The following GLI3 variants were observed in gnomAD, a reference collection of about 807,000 sequenced individuals.
The protein encoded by GLI3 is transcription activator GLI3.
A neutral mutation model predicts 100.8 loss-of-function variants in GLI3; 20 were observed. That is an observed-to-expected ratio of 0.20 (90% CI 0.14 to 0.29). The LOEUF (loss-of-function observed/expected upper bound fraction) is 0.29. Among genes scored for constraint, GLI3 ranks in the 10% least tolerant of loss-of-function variants. GLI3 has a pLI of 1.00. For synonymous variants in GLI3, 938 were observed against 860.5 expected, an observed-to-expected ratio of 1.09 and a Z score of -1.58; for missense variants, 2,040 against 2,128.5, an observed-to-expected ratio of 0.96 and a Z score of 0.82.
At chr7:42,004,103 G>GTCTTTCTCCTCCT (rs1304602331) in intron 10 of GLI3, among the ~76,000 whole-genome samples, 3 of 152,104 alleles carry the variant, frequency 2.0e-5, no homozygotes, top group Non-Finnish European at 4.4e-5. Context: ...TTTAGGAGGA[G>GTCTTTCTCCTCCT]AAAGAAGGGC....
rs778051402 is a variant in GLI3, at chr7:41,965,753, C to G, written c.3320G>C (p.Gly1107Ala). Reference sequence around the variant, plus strand: ...GGCGCTGGGGAAGTGCTGCTCGTACCCTGCTTGGTTCTGGGAATTTAAATA... The same window carrying G: ...GGCGCTGGGGAAGTGCTGCTCGTACGCTGCTTGGTTCTGGGAATTTAAATA... Reference protein sequence around the residue: ...VQYLNSQNQAGYEQHFPSALP... With the variant: ...VQYLNSQNQAAYEQHFPSALP... Residue 1107 changes from glycine to alanine, a missense_variant, in exon 15 of 15, where the codon GGG (glycine) becomes GCG (alanine). Coordinates refer to ENST00000395925, the MANE Select transcript of GLI3 (RefSeq NM_000168.6). The G allele has an allele frequency of 1.9e-5, 31 of 1,613,418 alleles. 1 individual carries two copies. Among genetic ancestry groups the G allele is most frequent in the Non-Finnish European group, 2.6e-5 (31 of 1,179,932 alleles).
In GLI3 at chr7:42,080,850, A is replaced by C. The variant is rs1454648211; in HGVS notation, c.368-3993T>G. Among the ~76,000 whole-genome samples, 11 of 152,066 alleles carry C rather than the reference A, an allele frequency of 7.2e-5. No homozygotes were observed. The East Asian group carries it at 1.9e-3, about 27-fold the overall frequency. On this transcript the variant is annotated intron_variant, in intron 3 of 14. Coordinates refer to ENST00000395925, the MANE Select transcript of GLI3 (RefSeq NM_000168.6). ...TCGGCCCAAAAAGCTGTCCAAGAAA[A>C]CCCACATGACGAGAACAGGCCCTTG...
intron 8 of GLI3, 59 bp from the exon 9 acceptor site, chr7:42,025,436 C>A (rs1010093967): frequency 4.2e-5 from 54 of 1,286,838 alleles, no homozygotes; most frequent in Non-Finnish European, 5.7e-5. Flanking sequence ...AGGAGCAGTA[C>A]CATAATTAAA....
intron 3 of GLI3, among the ~76,000 whole-genome samples, chr7:42,122,916 A>T (rs1405424554): frequency 6.6e-6 from 1 of 152,226 alleles, no homozygotes; most frequent in Non-Finnish European, 1.5e-5. Flanking sequence ...TGTCTTTTAG[A>T]CCTTACGATC....
At chr7:42,027,000 C>T (rs1157932130) in intron 7 of GLI3, among the ~76,000 whole-genome samples, 1 of 152,226 alleles carries the variant, frequency 6.6e-6, no homozygotes, top group Non-Finnish European at 1.5e-5. Flanking sequence ...TAACCTCTCC[C>T]CGCTGAAATC....
At chr7:42,039,797 A>G (rs1270308134) in intron 7 of GLI3, among the ~76,000 whole-genome samples, 2 of 152,212 alleles carry the variant, frequency 1.3e-5, no homozygotes, top group Admixed American at 6.5e-5. Flanking sequence ...TCATAACTCA[A>G]TAACTGCTAT....
In GLI3 at chr7:42,054,726, T is replaced by G. The variant is rs112033824; in HGVS notation, c.474-6030A>C. On this transcript the variant is annotated intron_variant, in intron 4 of 14. Coordinates refer to ENST00000395925, the MANE Select transcript of GLI3 (RefSeq NM_000168.6). ...TGTCCCAGTGCAGTGGCTCCTGCCT[T>G]TAATATCAGCACTTTGGGAGGCTGA... Among the ~76,000 whole-genome samples, 1,137 of 152,156 alleles carry G rather than the reference T, an allele frequency of 7.5e-3. 21 individuals carry two copies. The highest frequency in any genetic ancestry group is 0.025 in the African/African-American group (1,057 of 41,496).
chr7:42,261,744 C>A (rs537068904), intron 1 of GLI3, among the ~76,000 whole-genome samples: 29 of 152,258 alleles, frequency 1.9e-4, no homozygotes, highest in Non-Finnish European at 3.5e-4. Flanking sequence ...AGGTGCCCTG[C>A]AAAGAGGATT....
chr7:42,053,415 A>G (rs1446237871), intron 4 of GLI3, among the ~76,000 whole-genome samples: 6 of 152,194 alleles, frequency 3.9e-5, no homozygotes, highest in Non-Finnish European at 8.8e-5. Context: ...TGACCAGAGG[A>G]GGGCTGAATT....
chr7:42,247,465 C>T (rs371278052), intron 1 of GLI3, among the ~76,000 whole-genome samples: 16 of 152,264 alleles, frequency 1.1e-4, no homozygotes, highest in South Asian at 1.0e-3. Context: ...GCAATTCTTC[C>T]GCAGCTGTAA....
intron 10 of GLI3, among the ~76,000 whole-genome samples, chr7:42,012,962 T>C (rs1788660378): frequency 1.3e-5 from 2 of 152,312 alleles, no homozygotes; most frequent in South Asian, 4.1e-4. Flanking sequence ...ACAGGTCACA[T>C]GTGCTGAAGC....
intron 7 of GLI3, among the ~76,000 whole-genome samples, chr7:42,033,292 C>A (rs1450137056): frequency 1.3e-5 from 2 of 152,204 alleles, no homozygotes; most frequent in African/African-American, 4.8e-5. Context: ...ACCTATAAAA[C>A]ACTTCTTCCA....
intron 2 of GLI3, among the ~76,000 whole-genome samples, chr7:42,213,427 G>T (rs553050522): frequency 6.6e-6 from 1 of 152,132 alleles, no homozygotes; most frequent in Non-Finnish European, 1.5e-5. Flanking sequence ...ATTTGTAATA[G>T]CAGTCTAATT....
intron 2 of GLI3, among the ~76,000 whole-genome samples, chr7:42,163,807 G>A (rs1312142371): frequency 2.0e-5 from 3 of 152,024 alleles, no homozygotes; most frequent in Non-Finnish European, 2.9e-5. Context: ...CTCTCTTTTT[G>A]ACTTTGTCTG....
chr7:42,034,643 T>C (rs999079068), intron 7 of GLI3, among the ~76,000 whole-genome samples: 1 of 152,104 alleles, frequency 6.6e-6, no homozygotes, highest in African/African-American at 2.4e-5. Context: ...CTTGGCCTCC[T>C]TCTTAGAAAC....
rs143146564 is a variant in GLI3 at position 42,012,018 on chromosome 7, G to A, written c.1497+11450C>T. Among the ~76,000 whole-genome samples the A allele has an allele frequency of 5.3e-5, 8 of 152,208 alleles. No individual in the cohort carries two copies. In the East Asian group the frequency reaches 1.2e-3, roughly 22 times the overall value. ...CATCATCTCTCCTCTCTTCCTCCCC[G>A]ACTTCCTGCTGGTCCTCACCGCTCG... On this transcript the variant is annotated intron_variant, in intron 10 of 14. Coordinates refer to ENST00000395925, the MANE Select transcript of GLI3 (RefSeq NM_000168.6).
At position 41,964,753 on chromosome 7, in the gene GLI3, A is replaced by T; in HGVS notation, c.4320T>A (p.Ser1440=). 3 of 1,614,088 alleles carry T rather than the reference A, an allele frequency of 1.9e-6. No homozygotes were observed. Among genetic ancestry groups the T allele is most frequent in the Non-Finnish European group, 2.5e-6 (3 of 1,179,916 alleles). Residue 1440 remains serine, a synonymous_variant, in exon 15 of 15, where the codon TCT becomes TCA. Transcript: ENST00000395925. ...HPLCSNLQNY[S]GQFYDQTVGF... Reference sequence around the variant, plus strand: ...CCACGGTTTGGTCATAGAACTGACCAGAGTAATTCTGCAGATTAGAGCACA... The same window carrying T: ...CCACGGTTTGGTCATAGAACTGACCTGAGTAATTCTGCAGATTAGAGCACA...
intron 2 of GLI3, among the ~76,000 whole-genome samples, chr7:42,209,891 G>A (rs1583649943): frequency 8.3e-6 from 1 of 119,990 alleles, no homozygotes. Flanking sequence ...CTAATCATTT[G>A]ACCTAAATTT....
At chr7:42,197,745 A>G (rs1156627406) in intron 2 of GLI3, among the ~76,000 whole-genome samples, 3 of 152,206 alleles carry the variant, frequency 2.0e-5, no homozygotes, top group Non-Finnish European at 4.4e-5. Context: ...CAGACAGGAG[A>G]GTCAGCGCCT....
Sources: gnomAD v4.1 joint callset for allele counts (sites outside exome capture counted in the v4.1 genomes callset) on GRCh38, gnomAD v4.1.1 for gene constraint, MANE v1.5 for transcripts, NCBI Gene and HGNC (gene_info 2026-07-23, HGNC 2026-07-21) for gene names.